COQ7: variants seen among roughly 807,000 people sequenced by gnomAD.
COQ7 encodes NADPH-dependent 3-demethoxyubiquinone 3-hydroxylase, mitochondrial.
Under a neutral mutation model 25.0 loss-of-function variants are expected in COQ7, and 21 were observed. The ratio of observed to expected loss-of-function variants is 0.84; its 90% CI spans 0.60 to 1.21. COQ7 has a LOEUF of 1.21. Ranked by LOEUF, COQ7 falls within the 50% of genes most tolerant of loss-of-function variation. The pLI is 0.00. For missense variants in COQ7, 311 were observed against 296.2 expected, an observed-to-expected ratio of 1.05 and a Z score of -0.37; for synonymous variants, 125 against 112.4, an observed-to-expected ratio of 1.11 and a Z score of -0.71.
rs1963055670 is a variant in COQ7, at chr16:19,080,020, A to G, written c.*1862A>G. 2 of 152,260 alleles carry G rather than the reference A, an allele frequency of 1.3e-5. No homozygotes were observed. 9.4% of individuals were successfully genotyped at this position (152,260 alleles called of 1,614,324 possible). A position where few individuals can be genotyped will look rare whatever the true frequency, so the allele number is the denominator to read the frequency against. ...ATAAATGCTGTGTGTGAACACGTTG[A>G]TTAAATTCAAAAGGGTATTATTTGG... On this transcript the variant is annotated 3_prime_UTR_variant, in exon 6 of 6. Coordinates refer to ENST00000321998, the MANE Select transcript of COQ7 (RefSeq NM_016138.5).
intron 1 of COQ7, chr16:19,068,497 C>G: frequency 1.5e-6 from 1 of 664,224 alleles, no homozygotes; most frequent in Non-Finnish European, 1.9e-6. Context: ...ACTAAAAATA[C>G]AAAAATTTGC....
rs1962597968 is a variant in COQ7 at position 19,072,174 on chromosome 16, G to C, written c.252+68G>C. The C allele has an allele frequency of 2.5e-6, 4 of 1,579,854 alleles. No individual in the cohort carries two copies. The African/African-American group carries it at 5.4e-5, about 21-fold the overall frequency. ...GCAGATCCAAAGGACTTCAAGTAATGAATCATGGGAGGTCAAGCGTTCCCT... is the reference window on the plus strand; with the variant it reads ...GCAGATCCAAAGGACTTCAAGTAATCAATCATGGGAGGTCAAGCGTTCCCT... On this transcript the variant is annotated intron_variant, in intron 2 of 5. Transcript: ENST00000321998.
intron 4 of COQ7, 41 bp from the exon 5 acceptor site, chr16:19,077,265 T>G (rs1259203088): frequency 1.3e-6 from 2 of 1,569,806 alleles, no homozygotes; most frequent in African/African-American, 2.7e-5. Context: ...AGCAGGAGAG[T>G]TGGAAGGCTA....
chr16:19,075,861 G>C lies in COQ7; in HGVS notation c.507+1G>C, dbSNP rs774603866. 1 of 1,614,058 alleles carries C rather than the reference G, an allele frequency of 6.2e-7. No homozygotes were observed. Among genetic ancestry groups the C allele is most frequent in the Non-Finnish European group, 8.5e-7 (1 of 1,180,018 alleles). On this transcript the variant is annotated splice_donor_variant, in intron 4 of 5. Transcript: ENST00000321998. LOFTEE classifies it high-confidence loss of function. ...TGAAAAATACGAGGAACTTCTTCAGGTATTTATCCGTGCTCTAGAACGGGG... is the reference window on the plus strand; with the variant it reads ...TGAAAAATACGAGGAACTTCTTCAGCTATTTATCCGTGCTCTAGAACGGGG...
intron 3 of COQ7, among the ~76,000 whole-genome samples, chr16:19,075,129 C>G (rs1962763626): frequency 6.6e-6 from 1 of 151,634 alleles, no homozygotes; most frequent in African/African-American, 2.4e-5. Context: ...TCCAGTGTCT[C>G]CTAAAACAGT....
intron 1 of COQ7, chr16:19,068,693 C>G: frequency 4.6e-6 from 1 of 218,532 alleles, no homozygotes; most frequent in Non-Finnish European, 9.4e-6. Context: ...TTCATGAAGT[C>G]GTTTTCTCAA....
At chr16:19,069,228 C>T (rs1307080967) in intron 1 of COQ7, among the ~76,000 whole-genome samples, 4 of 152,162 alleles carry the variant, frequency 2.6e-5, no homozygotes, top group African/African-American at 4.8e-5. Flanking sequence ...GGCAAAACTC[C>T]GAGGGTTGTT....
intron 3 of COQ7, 70 bp downstream of exon 3, chr16:19,074,105 G>T: frequency 2.5e-6 from 3 of 1,191,612 alleles, no homozygotes; most frequent in Non-Finnish European, 3.6e-6. Flanking sequence ...CAGGTATCAT[G>T]TTCACAATTC....
downstream of COQ7, among the ~76,000 whole-genome samples, chr16:19,082,619 A>G (rs1963115950): frequency 6.6e-6 from 1 of 152,138 alleles, no homozygotes; most frequent in Non-Finnish European, 1.5e-5. Flanking sequence ...CCCCGTCTCT[A>G]CTAAAACTAC....
At position 19,075,802 on chromosome 16, in the gene COQ7, A is replaced by T. The variant is rs764082459; in HGVS notation, c.449A>T (p.Asn150Ile). 6.2e-7 allele frequency: 1 copy of T among 1,614,042 alleles called. No individual in the cohort carries two copies. Among genetic ancestry groups the T allele is most frequent in the Non-Finnish European group, 8.5e-7 (1 of 1,179,940 alleles). ...GAAGAGAGCATAGCACATCACTACA[A>T]CAACCAGATCAGGACGCTGATGGAG... ...AVEESIAHHY[N>I]NQIRTLMEED... The change falls in exon 4 of 6, where the codon AAC becomes ATC. Residue 150 changes from asparagine (N) to isoleucine (I), a missense_variant. Asn to Ile is a moderately radical substitution (Grantham distance 149, BLOSUM62 -3). Transcript: ENST00000321998.
intron 1 of COQ7, among the ~76,000 whole-genome samples, chr16:19,069,409 C>CTTTTTTTT (rs67523316): frequency 1.7e-5 from 2 of 119,352 alleles, no homozygotes; most frequent in African/African-American, 3.1e-5. Context: ...TGATTATTGC[C>CTTTTTTTT]TTTTTTTTTT....
downstream of COQ7, among the ~76,000 whole-genome samples, chr16:19,081,662 A>G (rs1963101477): frequency 6.6e-6 from 1 of 152,242 alleles, no homozygotes; most frequent in South Asian, 2.1e-4. Flanking sequence ...AAAAATAATT[A>G]TTCTTGCTGT....
intron 1 of COQ7, chr16:19,068,704 C>A: frequency 5.1e-5 from 11 of 213,952 alleles, no homozygotes; most frequent in Admixed American, 1.1e-4. Context: ...GTTTTCTCAA[C>A]GTTAAATTAC....
At chr16:19,069,694 A>C (rs901384777) in intron 1 of COQ7, among the ~76,000 whole-genome samples, 1 of 151,926 alleles carries the variant, frequency 6.6e-6, no homozygotes, top group African/African-American at 2.4e-5. Context: ...TACAGGCGTG[A>C]GTCGCCGCAC....
Position 19,067,678 on chromosome 16 carries a change from GGGC to G in COQ7, c.24_26del (p.Ala9del), listed in dbSNP as rs531281193. ...TTAGTTCCGGCAATGAGTTGCGCCG[GGGC>G]GGCGGCGGCTCCCCGCCTTTGGCGG... On this transcript the variant is annotated inframe_deletion, in exon 1 of 6. Transcript: ENST00000321998. 6.8e-6 allele frequency: 11 copies of G among 1,611,082 alleles called. No individual in the cohort carries two copies. The highest frequency in any genetic ancestry group is 6.7e-5 in the African/African-American group (5 of 74,850).
chr16:19,077,007 G>GTT (rs1403973409), intron 4 of COQ7, among the ~76,000 whole-genome samples: 1 of 152,248 alleles, frequency 6.6e-6, no homozygotes, highest in Non-Finnish European at 1.5e-5. Context: ...GAACTGTTTA[G>GTT]TTTTTTAGAG....
Position 19,074,031 on chromosome 16 carries a change from A to C in COQ7, c.363A>C (p.Ala121=), listed in dbSNP as rs761997122. 12 of 1,611,194 alleles carry C rather than the reference A, an allele frequency of 7.4e-6. No individual in the cohort carries two copies. The highest frequency in any genetic ancestry group is 6.6e-5 in the South Asian group (6 of 90,832). Residue 121 remains alanine, a synonymous_variant, in exon 3 of 6, where the codon GCA becomes GCC. Transcript: ENST00000321998. ...CCTTGTGGAACGTGCTGGGGTTTGC[A>C]CTGGGTACGTGTCTCTCTAGAAGAG... ...LMPLWNVLGF[A]LGAGTALLGK... is the part of the protein sequence containing the mutation.
At position 19,068,144 on chromosome 16, in the gene COQ7, T is replaced by C. The variant is rs915220364; in HGVS notation, c.73+407T>C. On this transcript the variant is annotated intron_variant, in intron 1 of 5. Transcript: ENST00000321998. ...CCCGACGACCAGCAGCCTCCGCTAC[T>C]TCTGGGCGCTCGCTAGAAATACAGA... 3.0e-5 allele frequency: 32 copies of C among 1,049,480 alleles called. No individual in the cohort carries two copies. In the African/African-American group the frequency reaches 3.9e-4, roughly 13 times the overall value. The allele number at this position is 1,049,480 out of a possible 1,614,324, so 65.0% of individuals were successfully genotyped here. A position where few individuals can be genotyped will look rare whatever the true frequency, so the allele number is the denominator to read the frequency against.
chr16:19,072,802 G>C (rs1158138752), intron 2 of COQ7, among the ~76,000 whole-genome samples: 2 of 152,190 alleles, frequency 1.3e-5, no homozygotes, highest in Non-Finnish European at 2.9e-5. Context: ...GAAGCTATTT[G>C]ATGGCCCCTG....
Sources: allele counts gnomAD v4.1 joint callset (sites outside exome capture counted in the v4.1 genomes callset), GRCh38; gene constraint gnomAD v4.1.1; transcripts MANE v1.5; gene names NCBI Gene and HGNC (gene_info 2026-07-23, HGNC 2026-07-21).